Variants in KIAA0825 observed in about 807,000 individuals in gnomAD.
KIAA0825 encodes the protein uncharacterized protein KIAA0825.
KIAA0825 carries 119 observed loss-of-function variants against 147.6 expected under a neutral mutation model. That is an observed-to-expected ratio of 0.81 (90% CI 0.69 to 0.94). KIAA0825 has a LOEUF of 0.94. Ranked by LOEUF, KIAA0825 falls within the 40% of genes least tolerant of loss-of-function variation. The probability of loss-of-function intolerance (pLI) is 0.00; values close to 1 mark genes in which losing one functional copy is unlikely to be tolerated. For synonymous variants in KIAA0825, 470 were observed against 518.1 expected (o/e 0.91, Z 1.26); for missense variants, 1,381 against 1,472.7 (o/e 0.94, Z 1.02).
chr5:94,163,840 G>C (rs888973431), intron 20 of KIAA0825, among the ~76,000 whole-genome samples: 1 of 152,020 alleles, frequency 6.6e-6, no homozygotes, highest in Admixed American at 6.6e-5. Context: ...ATAAATAGAA[G>C]ACTGACCCAA....
At chr5:94,260,495 C>T (rs1201808789) in intron 20 of KIAA0825, among the ~76,000 whole-genome samples, 1 of 152,142 alleles carries the variant, frequency 6.6e-6, no homozygotes, top group Non-Finnish European at 1.5e-5. Flanking sequence ...GTCTTCATAA[C>T]ATCAGGGAGT....
intron 20 of KIAA0825, among the ~76,000 whole-genome samples, chr5:94,190,071 A>G (rs967539003): frequency 6.6e-6 from 1 of 152,078 alleles, no homozygotes; most frequent in African/African-American, 2.4e-5. Flanking sequence ...AAAAATTTTT[A>G]TTATTAACTG....
chr5:94,427,522 C>G (rs1755047337), intron 14 of KIAA0825, among the ~76,000 whole-genome samples: 1 of 152,008 alleles, frequency 6.6e-6, no homozygotes, highest in Admixed American at 6.6e-5. Context: ...GGTGAGAGTG[C>G]AAGACCCTGT....
Position 94,462,513 on chromosome 5 carries a change from G to A in KIAA0825, c.2120C>T (p.Thr707Ile). 1 of 1,543,968 alleles carries A rather than the reference G, an allele frequency of 6.5e-7. No homozygotes were observed. The highest frequency in any genetic ancestry group is 8.7e-7 in the Non-Finnish European group (1 of 1,143,474). ...AGGATTCAAAAGTTTCTGTACAGAT[G>A]TACAAACTGACCATAACATGTTCTC... ...CTENMLWSVC[T>I]SVQKLLNPHQ... The change falls in exon 12 of 21, where the codon ACA becomes ATA. Residue 707 changes from threonine to isoleucine, a missense_variant. Transcript: ENST00000682413.
intron 13 of KIAA0825, 40 bp downstream of exon 13, chr5:94,452,919 T>C: frequency 2.9e-6 from 3 of 1,022,940 alleles, no homozygotes; most frequent in South Asian, 1.9e-5. Flanking sequence ...TTAAAAGGAA[T>C]CATAGAATTA....
Position 94,224,081 on chromosome 5 carries a change from T to C in KIAA0825, c.3711-69957A>G, listed in dbSNP as rs1486359165. On this transcript the variant is annotated intron_variant, in intron 20 of 20. Coordinates refer to ENST00000682413, the MANE Select transcript of KIAA0825 (RefSeq NM_001145678.3). Reference sequence around the variant, plus strand: ...TTTTCTTTTCTCTTTCTTTTTCTTTTCTTTTTTTTTTTTTTTTTTTTTTTT... The same window carrying C: ...TTTTCTTTTCTCTTTCTTTTTCTTTCCTTTTTTTTTTTTTTTTTTTTTTTT... Among the ~76,000 whole-genome samples the C allele has an allele frequency of 1.1e-4, 13 of 121,190 alleles. 1 individual carries two copies. The highest frequency in any genetic ancestry group is 1.0e-3 in the Admixed American group (11 of 10,708). The allele number at this position is 121,190 out of a possible 152,430, so 79.5% of individuals were successfully genotyped here.
At chr5:94,610,786 AGTAT>A (rs1561393746) in intron 1 of KIAA0825, among the ~76,000 whole-genome samples, 1 of 113,686 alleles carries the variant, frequency 8.8e-6, no homozygotes, top group African/African-American at 4.0e-5. Context: ...AAAAAAAAAA[AGTAT>A]ATATATATAT....
At chr5:94,599,502 TA>T (rs541027051) in intron 1 of KIAA0825, among the ~76,000 whole-genome samples, 2 of 150,804 alleles carry the variant, frequency 1.3e-5, no homozygotes, top group African/African-American at 2.4e-5. Flanking sequence ...CACAAGATAT[TA>T]AAAAAAAACT....
intron 13 of KIAA0825, among the ~76,000 whole-genome samples, chr5:94,441,056 G>T (rs1159375801): frequency 6.6e-6 from 1 of 152,008 alleles, no homozygotes; most frequent in East Asian, 1.9e-4. Context: ...TATGCTTCAG[G>T]GTGGAAAGTA....
At chr5:94,378,031 TA>T (rs2150494247) in intron 20 of KIAA0825, among the ~76,000 whole-genome samples, 1 of 152,320 alleles carries the variant, frequency 6.6e-6, no homozygotes, top group East Asian at 1.9e-4. Context: ...TAACTAAAAA[TA>T]AAGACAAGCT....
intron 10 of KIAA0825, among the ~76,000 whole-genome samples, chr5:94,465,692 G>T (rs918090945): frequency 6.6e-6 from 1 of 152,100 alleles, no homozygotes; most frequent in Non-Finnish European, 1.5e-5. Context: ...TAAAGCCTAG[G>T]CACATATTAT....
chr5:94,382,682 A>G (rs1341212374), intron 20 of KIAA0825, among the ~76,000 whole-genome samples: 4 of 152,206 alleles, frequency 2.6e-5, no homozygotes, highest in Admixed American at 6.5e-5. Flanking sequence ...CTAAATTTGT[A>G]TGAGTTCTTT....
At chr5:94,486,671 A>G (rs1763093351) in intron 5 of KIAA0825, among the ~76,000 whole-genome samples, 1 of 152,164 alleles carries the variant, frequency 6.6e-6, no homozygotes, top group Non-Finnish European at 1.5e-5. Flanking sequence ...GAACACAAGT[A>G]TGTATAGGCA....
intron 5 of KIAA0825, among the ~76,000 whole-genome samples, chr5:94,488,176 G>A (rs571441558): frequency 7.2e-5 from 11 of 152,294 alleles, no homozygotes; most frequent in East Asian, 1.9e-4. Flanking sequence ...GATTACAGGC[G>A]TGAGCCACAG....
At chr5:94,316,371 A>G (rs533971092) in intron 20 of KIAA0825, among the ~76,000 whole-genome samples, 1 of 151,582 alleles carries the variant, frequency 6.6e-6, no homozygotes, top group Non-Finnish European at 1.5e-5. Flanking sequence ...CTGAAGTATA[A>G]TATTTTCTAT....
intron 20 of KIAA0825, among the ~76,000 whole-genome samples, chr5:94,172,117 T>C (rs1768677915): frequency 1.3e-5 from 2 of 152,150 alleles, no homozygotes; most frequent in Non-Finnish European, 2.9e-5. Context: ...ATAACAATTA[T>C]AGAATTAAAG....
At chr5:94,480,973 CTG>C (rs1554290226) in intron 6 of KIAA0825, among the ~76,000 whole-genome samples, 1 of 152,046 alleles carries the variant, frequency 6.6e-6, no homozygotes, top group Non-Finnish European at 1.5e-5. Context: ...TTACATTTGT[CTG>C]GAATTCAAAA....
chr5:94,473,569 A>G (rs1286742319), intron 7 of KIAA0825, 50 bp from the exon 8 acceptor site: 2 of 1,112,988 alleles, frequency 1.8e-6, no homozygotes, highest in Non-Finnish European at 2.6e-6. Context: ...TCAGCAACAA[A>G]TGTTTCTATT....
intron 20 of KIAA0825, among the ~76,000 whole-genome samples, chr5:94,266,302 G>A (rs1191869549): frequency 4.6e-5 from 7 of 152,092 alleles, no homozygotes; most frequent in African/African-American, 1.7e-4. Flanking sequence ...CAATTTCTGT[G>A]ATATTGTGTA....
Sources: gnomAD v4.1 joint callset for allele counts (sites outside exome capture counted in the v4.1 genomes callset) on GRCh38, gnomAD v4.1.1 for gene constraint, MANE v1.5 for transcripts, NCBI Gene and HGNC (gene_info 2026-07-23, HGNC 2026-07-21) for gene names.